The following YEATS4 variants were observed in gnomAD, a reference collection of about 807,000 sequenced individuals.
The protein encoded by YEATS4 is YEATS domain containing 4.
Under a neutral mutation model 30.1 loss-of-function variants are expected in YEATS4, and 17 were observed. That is an observed-to-expected ratio of 0.56 (90% confidence interval 0.39 to 0.85). The LOEUF (loss-of-function observed/expected upper bound fraction) is 0.85, where lower values mean the gene tolerates loss of function less well. YEATS4 is among the 40% of genes least tolerant of loss of function. The pLI, the probability that YEATS4 is intolerant of heterozygous loss-of-function variation, is 0.00. For synonymous variants in YEATS4, 85 were observed against 87.5 expected (o/e 0.97, Z 0.16); for missense variants, 142 against 268.3 (o/e 0.53, Z 3.29).
At chr12:69,412,085 C>T in the YEATS4 span, among the ~76,000 whole-genome samples, 1 of 152,194 alleles carries the variant, frequency 6.6e-6, no homozygotes, top group African/African-American at 2.4e-5. Context: ...AGAGTCCAGA[C>T]ACGAGGTGAT....
At chr12:69,390,061 C>T (rs1213825855) in intron 6 of YEATS4, 86 bp from the exon 7 acceptor site, 11 of 1,065,206 alleles carry the variant, frequency 1.0e-5, no homozygotes, top group Middle Eastern at 3.2e-4. Flanking sequence ...GAAACATTGT[C>T]GTCAGGAAAT....
chr12:69,421,251 T>C, the YEATS4 span, among the ~76,000 whole-genome samples: 1 of 152,140 alleles, frequency 6.6e-6, no homozygotes, highest in South Asian at 2.1e-4. Context: ...GCAATAAACA[T>C]TCCTGTACAA....
intron 6 of YEATS4, among the ~76,000 whole-genome samples, chr12:69,371,776 G>A (rs900267743): frequency 6.6e-6 from 1 of 152,168 alleles, no homozygotes; most frequent in African/African-American, 2.4e-5. Flanking sequence ...GAAGTATAAG[G>A]TAGTGATTAA....
intron 4 of YEATS4, among the ~76,000 whole-genome samples, chr12:69,368,020 G>T (rs1399445631): frequency 1.3e-5 from 2 of 152,124 alleles, no homozygotes; most frequent in Non-Finnish European, 2.9e-5. Flanking sequence ...TCTTAGAAAG[G>T]TATATAACCT....
At chr12:69,408,075 C>A in the YEATS4 span, among the ~76,000 whole-genome samples, 1 of 152,124 alleles carries the variant, frequency 6.6e-6, no homozygotes, top group East Asian at 1.9e-4. Flanking sequence ...GTTATGTTAA[C>A]CACTGGGGTG....
At chr12:69,406,928 C>T in the YEATS4 span, among the ~76,000 whole-genome samples, 5 of 152,240 alleles carry the variant, frequency 3.3e-5, no homozygotes, top group African/African-American at 9.6e-5. Flanking sequence ...GATCCTCCTG[C>T]CTTAGCCTCC....
chr12:69,361,057 G>T (rs1160796458), intron 1 of YEATS4, among the ~76,000 whole-genome samples: 2 of 151,708 alleles, frequency 1.3e-5, no homozygotes, highest in Non-Finnish European at 2.9e-5. Flanking sequence ...AATTAGCCGG[G>T]CGTGGTGGCG....
intron 6 of YEATS4, among the ~76,000 whole-genome samples, chr12:69,373,189 T>C (rs574131299): frequency 6.6e-6 from 1 of 152,304 alleles, no homozygotes; most frequent in African/African-American, 2.4e-5. Context: ...TATAGCTCTA[T>C]TTTTTGTTTT....
At chr12:69,401,340 T>C in the YEATS4 span, 11 of 152,254 alleles carry the variant, frequency 7.2e-5, no homozygotes, top group African/African-American at 2.4e-4. Flanking sequence ...TATGTCTACA[T>C]AATTTCATGT....
chr12:69,392,223 C>G (rs1319895007), downstream of YEATS4, among the ~76,000 whole-genome samples: 1 of 152,062 alleles, frequency 6.6e-6, no homozygotes, highest in Non-Finnish European at 1.5e-5. Context: ...TAATTTTAAA[C>G]AAAATACCCA....
At chr12:69,388,476 A>G (rs1868279687) in intron 6 of YEATS4, among the ~76,000 whole-genome samples, 1 of 152,208 alleles carries the variant, frequency 6.6e-6, no homozygotes, top group Non-Finnish European at 1.5e-5. Flanking sequence ...CCACCAAACC[A>G]TCTGGCTTCC....
At chr12:69,370,558 G>A (rs1875598478) in intron 4 of YEATS4, 148 bp from the exon 5 acceptor site, 9 of 587,366 alleles carry the variant, frequency 1.5e-5, no homozygotes, top group Non-Finnish European at 2.4e-5. Flanking sequence ...AAATTTGGGT[G>A]ATTTGCTGCA....
At chr12:69,402,828 C>T in the YEATS4 span, among the ~76,000 whole-genome samples, 1 of 148,932 alleles carries the variant, frequency 6.7e-6, no homozygotes, top group Non-Finnish European at 1.5e-5. Flanking sequence ...TGGGCTCATG[C>T]AATTCTGCCT....
chr12:69,371,742 C>T (rs993863718), intron 6 of YEATS4, among the ~76,000 whole-genome samples: 10 of 152,220 alleles, frequency 6.6e-5, no homozygotes, highest in Non-Finnish European at 1.5e-4. Context: ...GGGAGGAAAA[C>T]AGGTATTAAA....
the YEATS4 span, among the ~76,000 whole-genome samples, chr12:69,416,089 C>T: frequency 0.31 from 46,879 of 152,090 alleles, 7,648 homozygotes; most frequent in East Asian, 0.57. Flanking sequence ...TGGCATCTCC[C>T]AGGCCCGCGG....
intron 6 of YEATS4, among the ~76,000 whole-genome samples, chr12:69,375,932 A>G (rs1473307129): frequency 4.0e-5 from 6 of 151,838 alleles, no homozygotes; most frequent in Non-Finnish European, 8.8e-5. Context: ...TCTTGATTTC[A>G]TTTTCAGATT....
intron 6 of YEATS4, among the ~76,000 whole-genome samples, chr12:69,382,392 G>A (rs910627113): frequency 1.3e-5 from 2 of 152,182 alleles, no homozygotes; most frequent in African/African-American, 2.4e-5. Flanking sequence ...CTGTGGCTGA[G>A]CTGGCACCCA....
At chr12:69,394,915 A>G (rs1868340131), downstream of YEATS4, among the ~76,000 whole-genome samples, 1 of 152,162 alleles carries the variant, frequency 6.6e-6, no homozygotes, top group East Asian at 1.9e-4. Flanking sequence ...CTGAAATTCA[A>G]ATTTAACTAA....
intron 6 of YEATS4, among the ~76,000 whole-genome samples, chr12:69,376,355 G>C (rs1875872234): frequency 6.6e-6 from 1 of 152,206 alleles, no homozygotes; most frequent in Admixed American, 6.5e-5. Context: ...AACAGAGTGA[G>C]ACTCTCTCTC....
Sources: gnomAD v4.1 joint callset for allele counts (sites outside exome capture counted in the v4.1 genomes callset) on GRCh38, gnomAD v4.1.1 for gene constraint, MANE v1.5 for transcripts, NCBI Gene and HGNC (gene_info 2026-07-23, HGNC 2026-07-21) for gene names.